Variants in SAMD5 observed in about 807,000 individuals in gnomAD.
The protein encoded by SAMD5 is sterile alpha motif domain containing 5, also known as sterile alpha motif domain-containing protein 5.
A neutral mutation model predicts 11.3 loss-of-function variants in SAMD5; 13 were observed. The ratio of observed to expected loss-of-function variants is 1.15; its 90% CI spans 0.75 to 1.83. The LOEUF (loss-of-function observed/expected upper bound fraction) is 1.83, where lower values mean the gene tolerates loss of function less well. Among genes scored for constraint, SAMD5 ranks in the 40% most tolerant of loss-of-function variants. SAMD5 has a pLI of 0.00. For synonymous variants in SAMD5, 129 were observed against 111.3 expected (o/e 1.16, Z -1.00); for missense variants, 255 against 239.1 (o/e 1.07, Z -0.44).
At position 147,513,450 on chromosome 6, in the gene SAMD5, G is replaced by C. The variant is rs922833486; in HGVS notation, c.459+4063G>C. 3.9e-5 allele frequency among the ~76,000 whole-genome samples: 6 copies of C among 152,196 alleles called. No individual in the cohort carries two copies. In the South Asian group the frequency reaches 1.2e-3, roughly 32 times the overall value. On this transcript the variant is annotated intron_variant, in intron 1 of 1. Transcript: ENST00000367474. Reference sequence around the variant, plus strand: ...GGTTTAAGATTGTGATGTGATGTAGGAGACCCAGGAGAACAGCGAGTTTGG... The same window carrying C: ...GGTTTAAGATTGTGATGTGATGTAGCAGACCCAGGAGAACAGCGAGTTTGG...
the SAMD5 span, among the ~76,000 whole-genome samples, chr6:147,917,504 G>T: frequency 6.6e-6 from 1 of 152,000 alleles, no homozygotes; most frequent in East Asian, 1.9e-4. Context: ...CCACTTTGTA[G>T]GTTGCCTGTT....
chr6:147,592,248 A>G (rs1460617242), intron 1 of SAMD5, among the ~76,000 whole-genome samples: 2 of 152,062 alleles, frequency 1.3e-5, no homozygotes, highest in African/African-American at 4.8e-5. Flanking sequence ...CTAAACAGGT[A>G]TTTTCCTAAA....
the SAMD5 span, among the ~76,000 whole-genome samples, chr6:147,818,624 G>A: frequency 6.6e-6 from 1 of 152,264 alleles, no homozygotes; most frequent in African/African-American, 2.4e-5. Context: ...ACTCCTTCCA[G>A]GATCTAGGAA....
intron 1 of SAMD5, among the ~76,000 whole-genome samples, chr6:147,649,745 C>T (rs1432415929): frequency 2.0e-5 from 3 of 150,516 alleles, no homozygotes; most frequent in Non-Finnish European, 2.9e-5. Flanking sequence ...GAAGTGAGAT[C>T]GCGCCACTGC....
intron 1 of SAMD5, among the ~76,000 whole-genome samples, chr6:147,533,980 C>T (rs1252566620): frequency 6.6e-6 from 1 of 152,168 alleles, no homozygotes; most frequent in Non-Finnish European, 1.5e-5. Context: ...AACTGGGCAC[C>T]ACAGTCAAGC....
chr6:147,859,287 T>C, the SAMD5 span, among the ~76,000 whole-genome samples: 20 of 152,210 alleles, frequency 1.3e-4, no homozygotes, highest in Admixed American at 1.2e-3. Context: ...CTGAATTTTC[T>C]GGCTTACTTT....
At chr6:147,571,060 C>T (rs1789129829), downstream of SAMD5, among the ~76,000 whole-genome samples, 1 of 152,136 alleles carries the variant, frequency 6.6e-6, no homozygotes, top group South Asian at 2.1e-4. Context: ...TAGTCATAGC[C>T]CTTTTGTTCA....
intron 1 of SAMD5, among the ~76,000 whole-genome samples, chr6:147,672,237 C>T (rs985363338): frequency 3.9e-5 from 6 of 151,944 alleles, no homozygotes; most frequent in African/African-American, 1.2e-4. Flanking sequence ...TAAAGATACA[C>T]AAGGAAACTG....
the SAMD5 span, among the ~76,000 whole-genome samples, chr6:147,894,697 C>T: frequency 7.2e-3 from 1,102 of 152,262 alleles, 11 homozygotes; most frequent in Non-Finnish European, 0.013. Context: ...CTCATGAAGA[C>T]AGTTTTTCTA....
chr6:147,580,772 C>T (rs1789286211), intron 1 of SAMD5, among the ~76,000 whole-genome samples: 2 of 151,896 alleles, frequency 1.3e-5, no homozygotes, highest in African/African-American at 4.8e-5. Context: ...TTCAGTTTAT[C>T]TAGCTTTTAA....
chr6:147,613,999 A>G (rs1252045514), intron 1 of SAMD5, among the ~76,000 whole-genome samples: 3 of 152,022 alleles, frequency 2.0e-5, no homozygotes, highest in Non-Finnish European at 4.4e-5. Context: ...CACAGGTGGC[A>G]AAATGAAATG....
At chr6:147,849,422 G>A in the SAMD5 span, among the ~76,000 whole-genome samples, 1 of 151,706 alleles carries the variant, frequency 6.6e-6, no homozygotes, top group South Asian at 2.1e-4. Flanking sequence ...TTTTTCTTCT[G>A]CTTCTGAAAG....
chr6:147,653,246 C>T (rs751241137), intron 1 of SAMD5, among the ~76,000 whole-genome samples: 20 of 152,132 alleles, frequency 1.3e-4, no homozygotes, highest in Non-Finnish European at 2.5e-4. Context: ...GTTAAATAGA[C>T]TTGCTTTATA....
At chr6:147,526,099 G>A (rs567724131) in intron 1 of SAMD5, among the ~76,000 whole-genome samples, 1 of 152,250 alleles carries the variant, frequency 6.6e-6, no homozygotes, top group South Asian at 2.1e-4. Context: ...AGGACATGAT[G>A]AACTGGGCTT....
exon 2 of SAMD5, chr6:147,737,353 G>A (rs986244894): frequency 2.5e-5 from 31 of 1,262,966 alleles, no homozygotes; most frequent in Middle Eastern, 2.2e-4. Flanking sequence ...AGTAATTTGC[G>A]TGCTGTTTAT....
chr6:147,723,931 G>A (rs1389389665), intron 1 of SAMD5, among the ~76,000 whole-genome samples: 1 of 152,096 alleles, frequency 6.6e-6, no homozygotes, highest in African/African-American at 2.4e-5. Context: ...AAGTGGAAGT[G>A]GAACTCCTTA....
intron 1 of SAMD5, among the ~76,000 whole-genome samples, chr6:147,577,050 A>G (rs1362151929): frequency 1.3e-5 from 2 of 152,236 alleles, no homozygotes; most frequent in Admixed American, 1.3e-4. Flanking sequence ...TTTAAAATTA[A>G]GAAAACCAGT....
chr6:147,878,648 T>C, the SAMD5 span, among the ~76,000 whole-genome samples: 1 of 148,820 alleles, frequency 6.7e-6, no homozygotes, highest in Non-Finnish European at 1.5e-5. Context: ...TTTACAGAGA[T>C]TTATACATGT....
the SAMD5 span, among the ~76,000 whole-genome samples, chr6:147,875,198 C>T: frequency 5.1e-3 from 772 of 152,216 alleles, 10 homozygotes; most frequent in African/African-American, 0.018. Flanking sequence ...TTTTGGTTTA[C>T]ATTATATGCA....
Sources: gnomAD v4.1 joint callset for allele counts (sites outside exome capture counted in the v4.1 genomes callset) on GRCh38, gnomAD v4.1.1 for gene constraint, MANE v1.5 for transcripts, NCBI Gene and HGNC (gene_info 2026-07-23, HGNC 2026-07-21) for gene names.